EXD3: variants seen among roughly 807,000 people sequenced by gnomAD.
EXD3 encodes the protein exonuclease 3'-5' domain containing 3.
Under a neutral mutation model 98.0 loss-of-function variants are expected in EXD3, and 92 were observed. That is an observed-to-expected ratio of 0.94 (90% CI 0.79 to 1.12). The LOEUF (loss-of-function observed/expected upper bound fraction) is 1.12. Among genes scored for constraint, EXD3 ranks in the 50% most tolerant of loss-of-function variants. The pLI, the probability that EXD3 is intolerant of heterozygous loss-of-function variation, is 0.00. For synonymous variants in EXD3, 569 were observed against 526.0 expected, an observed-to-expected ratio of 1.08 and a Z score of -1.12; for missense variants, 1,222 against 1,191.6, an observed-to-expected ratio of 1.03 and a Z score of -0.38.
In EXD3 at chr9:137,358,020, C is replaced by T. The variant is rs959337370; in HGVS notation, c.657-1652G>A. Among the ~76,000 whole-genome samples the T allele has an allele frequency of 3.9e-5, 6 of 152,212 alleles. No individual in the cohort carries two copies. In the South Asian group the frequency reaches 8.3e-4, roughly 21 times the overall value. On this transcript the variant is annotated intron_variant, in intron 7 of 21. Transcript: ENST00000340951. ...ACGGTGCCCACTGAGATTAAGGGTG[C>T]GTCTGCCTCTCCCAGTCCACTCAGT...
At chr9:137,374,488 G>A in intron 3 of EXD3, 2 of 904,096 alleles carry the variant, frequency 2.2e-6, no homozygotes, top group Non-Finnish European at 2.6e-6. Flanking sequence ...GCAACATCCT[G>A]AGGCTGCCGC....
chr9:137,375,748 T>C (rs960517895), intron 3 of EXD3, among the ~76,000 whole-genome samples: 3 of 152,200 alleles, frequency 2.0e-5, no homozygotes, highest in African/African-American at 4.8e-5. Flanking sequence ...TGTAGTTAAG[T>C]TGGCAGAAAC....
chr9:137,372,474 C>T (rs1001361982), intron 5 of EXD3, among the ~76,000 whole-genome samples: 8 of 152,232 alleles, frequency 5.3e-5, no homozygotes, highest in African/African-American at 1.9e-4. Context: ...TCAGTCAGTG[C>T]CCAGTGCCCA....
chr9:137,363,164 G>A (rs1240823096), intron 7 of EXD3, among the ~76,000 whole-genome samples: 2 of 151,770 alleles, frequency 1.3e-5, no homozygotes, highest in Non-Finnish European at 2.9e-5. Context: ...CTAATATTTT[G>A]TTTTGTATTT....
In EXD3 at chr9:137,395,230, C is replaced by T. The variant is rs1370965322; in HGVS notation, c.55+73G>A. The T allele has an allele frequency of 7.3e-7, 1 of 1,362,134 alleles. No individual in the cohort carries two copies. Among genetic ancestry groups the T allele is most frequent in the Non-Finnish European group, 1.0e-6 (1 of 953,506 alleles). The allele number at this position is 1,362,134 out of a possible 1,614,324, so 84.4% of individuals were successfully genotyped here. A position where few individuals can be genotyped will look rare whatever the true frequency, so the allele number is the denominator to read the frequency against. ...TCACTGAGTACACAGTGGGCGCCAC[C>T]ACCCCCCATGCACACCCACGCACCT... On this transcript the variant is annotated intron_variant, in intron 2 of 21. Transcript: ENST00000340951. The surrounding 1 kb of genome is among the most constrained non-coding windows in gnomAD (Gnocchi z 6.5).
chr9:137,317,865 G>A (rs554874989), intron 19 of EXD3, among the ~76,000 whole-genome samples: 1 of 152,322 alleles, frequency 6.6e-6, no homozygotes, highest in South Asian at 2.1e-4. Flanking sequence ...CTGGGGCTGG[G>A]CCCCTACCGC....
At chr9:137,350,134 A>G (rs1588318183) in intron 14 of EXD3, among the ~76,000 whole-genome samples, 1 of 39,026 alleles carries the variant, frequency 2.6e-5, no homozygotes, top group African/African-American at 1.3e-4. Context: ...CTAGATAGAG[A>G]GGGGTGGGGA....
rs1837149351 is a variant in EXD3 at position 137,395,248 on chromosome 9, A to C, written c.55+55T>G. 8.5e-4 allele frequency: 1,019 copies of C among 1,199,904 alleles called. No individual in the cohort carries two copies. Among genetic ancestry groups the C allele is most frequent in the Non-Finnish European group, 1.1e-3 (910 of 812,446 alleles). The allele number at this position is 1,199,904 out of a possible 1,614,324, so 74.3% of individuals were successfully genotyped here. On this transcript the variant is annotated intron_variant, in intron 2 of 21. Transcript: ENST00000340951. The surrounding 1 kb of genome is among the most constrained non-coding windows in gnomAD (Gnocchi z 6.5). Reference sequence around the variant, plus strand: ...GCGCCACCACCCCCCATGCACACCCACGCACCTCCCCCCACAGCCCCAGGG... The same window carrying C: ...GCGCCACCACCCCCCATGCACACCCCCGCACCTCCCCCCACAGCCCCAGGG...
intron 17 of EXD3, among the ~76,000 whole-genome samples, chr9:137,330,738 C>T (rs574991501): frequency 9.9e-5 from 15 of 152,260 alleles, no homozygotes; most frequent in South Asian, 6.2e-4. Flanking sequence ...AGAATAAACC[C>T]GGCAACACTC....
intron 3 of EXD3, 126 bp from the exon 4 acceptor site, chr9:137,373,725 G>A (rs1039328301): frequency 1.4e-5 from 15 of 1,095,316 alleles, no homozygotes; most frequent in Middle Eastern, 2.1e-4. Flanking sequence ...CCATTCAGCC[G>A]CCATCTGCGC....
Position 137,307,165 on chromosome 9 carries a change from C to T in EXD3, c.2416G>A (p.Ala806Thr). 1.3e-6 allele frequency: 2 copies of T among 1,589,242 alleles called. No individual in the cohort carries two copies. Among genetic ancestry groups the T allele is most frequent in the Non-Finnish European group, 1.7e-6 (2 of 1,169,182 alleles). ...DLRAETPDML[A>T]DGTRLQLAGV... The stretch of plus-strand genomic sequence containing the variant: ...GCCAGCTGCAGCCGGGTGCCGTCGG[C>T]CAGCATGTCCGGTGTCTCCGCCCGC... The change falls in exon 22 of 22, where the codon GCC (alanine) becomes ACC (threonine). Residue 806 changes from alanine to threonine, a missense_variant. Physicochemically the swap from Ala to Thr is moderately conservative, Grantham distance 58. Coordinates refer to ENST00000340951, the MANE Select transcript of EXD3 (RefSeq NM_017820.5).
chr9:137,365,909 GCA>G (rs1279306091), intron 7 of EXD3: 7 of 401,754 alleles, frequency 1.7e-5, no homozygotes, highest in Admixed American at 3.0e-5. Flanking sequence ...ACACATACAT[GCA>G]CACACATGCA....
chr9:137,369,146 G>A (rs1397805428), intron 5 of EXD3, among the ~76,000 whole-genome samples: 1 of 149,934 alleles, frequency 6.7e-6, no homozygotes, highest in Non-Finnish European at 1.5e-5. Flanking sequence ...CGCAGGGCCG[G>A]GGCGGGGCCT....
chr9:137,382,943 G>A (rs1836392625), intron 3 of EXD3, among the ~76,000 whole-genome samples: 1 of 152,216 alleles, frequency 6.6e-6, no homozygotes, highest in South Asian at 2.1e-4. Flanking sequence ...TCCCTGTCCT[G>A]GACACCTGCC....
rs1459534169 is a variant in EXD3 at position 137,351,143 on chromosome 9, G to A, written c.1389C>T (p.Tyr463=). 10 of 1,572,102 alleles carry A rather than the reference G, an allele frequency of 6.4e-6. No individual in the cohort carries two copies. Among genetic ancestry groups the A allele is most frequent in the Middle Eastern group, 1.7e-4 (1 of 6,028 alleles). The part of the protein sequence containing the change: ...LSDPSITKLG[Y]GMVGDLQKLG... Reference sequence around the variant, plus strand: ...GTTTTTGCAGGTCCCCCACCATCCCGTAGCCTGTGGGCAGGAACCATCGTG... The same window carrying A: ...GTTTTTGCAGGTCCCCCACCATCCCATAGCCTGTGGGCAGGAACCATCGTG... The change falls in exon 14 of 22, where the codon TAC becomes TAT. Residue 463 remains tyrosine, a synonymous_variant. Transcript: ENST00000340951.
chr9:137,342,157 G>A (rs1237354068), intron 17 of EXD3, among the ~76,000 whole-genome samples: 1 of 13,562 alleles, frequency 7.4e-5, no homozygotes, highest in Admixed American at 6.2e-4. Context: ...ATCAGGAGCC[G>A]TCTCCCAGGA....
chr9:137,398,003 G>A (rs552384557), intron 1 of EXD3, among the ~76,000 whole-genome samples: 67 of 152,310 alleles, frequency 4.4e-4, no homozygotes, highest in African/African-American at 1.5e-3. Flanking sequence ...AGTAAAAGGA[G>A]AGAAATGAAG....
Position 137,407,295 on chromosome 9 carries a change from G to T in EXD3, c.-47-11891C>A, listed in dbSNP as rs1392658425. Among the ~76,000 whole-genome samples, 1 of 152,206 alleles carries T rather than the reference G, an allele frequency of 6.6e-6. No individual in the cohort carries two copies. Among genetic ancestry groups the T allele is most frequent in the African/African-American group, 2.4e-5 (1 of 41,456 alleles). The stretch of plus-strand genomic sequence containing the variant: ...AGCGCTGCAGGCAGAGCCCAGCCCG[G>T]CGGCCGCGGCGAACACGGGGCGGCC... On this transcript the variant is annotated intron_variant, in intron 1 of 21. Coordinates refer to ENST00000340951, the MANE Select transcript of EXD3 (RefSeq NM_017820.5). This position sits in a 1 kb window ranked among gnomAD's most constrained non-coding sequence, Gnocchi z 4.4.
chr9:137,392,912 T>G, intron 2 of EXD3: 1 of 470,946 alleles, frequency 2.1e-6, no homozygotes. Context: ...ATGTCTGTTC[T>G]GGCGGGGGGC....
Sources: allele counts gnomAD v4.1 joint callset (sites outside exome capture counted in the v4.1 genomes callset), GRCh38; gene constraint gnomAD v4.1.1; non-coding constraint Gnocchi (gnomAD v3.1); transcripts MANE v1.5; gene names NCBI Gene and HGNC (gene_info 2026-07-23, HGNC 2026-07-21).